ADAMTSL1: variants seen among roughly 807,000 people sequenced by gnomAD.
The protein encoded by ADAMTSL1 is ADAMTS like 1.
In ADAMTSL1, 126 loss-of-function variants were observed where a neutral mutation model predicts 201.8. The observed-to-expected ratio is 0.62, with a 90% confidence interval of 0.54 to 0.72. The LOEUF is 0.72. Among genes scored for constraint, ADAMTSL1 ranks in the 30% least tolerant of loss-of-function variants. ADAMTSL1 has a pLI of 0.00. For synonymous variants in ADAMTSL1, 1,121 were observed against 903.4 expected, an observed-to-expected ratio of 1.24 and a Z score of -4.32; for missense variants, 2,679 against 2,277.8, an observed-to-expected ratio of 1.18 and a Z score of -3.59.
chr9:18,822,909 G>C (rs1295778325), intron 21 of ADAMTSL1, among the ~76,000 whole-genome samples: 2 of 152,140 alleles, frequency 1.3e-5, no homozygotes, highest in Non-Finnish European at 2.9e-5. Flanking sequence ...GGACTCTGTG[G>C]AACATTCAAG....
At chr9:18,012,011 A>G (rs1430189700) in intron 1 of ADAMTSL1, among the ~76,000 whole-genome samples, 3 of 152,064 alleles carry the variant, frequency 2.0e-5, no homozygotes, top group South Asian at 2.1e-4. Context: ...TAAAATGCTC[A>G]TGGGGATATT....
chr9:17,925,740 G>T (rs1305008983), intron 1 of ADAMTSL1, among the ~76,000 whole-genome samples: 1 of 146,066 alleles, frequency 6.8e-6, no homozygotes, highest in African/African-American at 2.5e-5. Context: ...AGCATTGGGA[G>T]ATATACCTAA....
At chr9:18,686,064 G>A (rs1830815099) in intron 13 of ADAMTSL1, among the ~76,000 whole-genome samples, 1 of 151,916 alleles carries the variant, frequency 6.6e-6, no homozygotes, top group Non-Finnish European at 1.5e-5. Flanking sequence ...GACTACAGGT[G>A]CAGGCCACCA....
intron 13 of ADAMTSL1, among the ~76,000 whole-genome samples, chr9:18,701,457 C>A (rs527924176): frequency 2.0e-5 from 3 of 152,082 alleles, no homozygotes; most frequent in African/African-American, 7.2e-5. Context: ...TGACTTCAGG[C>A]GATCCGCCCA....
chr9:18,883,843 C>G (rs1428051029), intron 23 of ADAMTSL1, among the ~76,000 whole-genome samples: 1 of 152,110 alleles, frequency 6.6e-6, no homozygotes. Context: ...TGGTTTAAAT[C>G]TTTTGGGTAT....
rs191921150 is a variant in ADAMTSL1 at position 18,288,506 on chromosome 9, T to C, written c.207+124525T>C. 2.6e-5 allele frequency among the ~76,000 whole-genome samples: 4 copies of C among 152,314 alleles called. No individual in the cohort carries two copies. The East Asian group carries it at 7.7e-4, about 29-fold the overall frequency. The stretch of plus-strand genomic sequence containing the variant: ...GTTTCTTAATATTGTATACATTACT[T>C]AGGTCATGTGATTAGCTGCTTTAGA... On this transcript the variant is annotated intron_variant, in intron 2 of 29. Transcript: ENST00000680146.
chr9:18,619,862 T>C (rs1252613932), intron 4 of ADAMTSL1, among the ~76,000 whole-genome samples: 1 of 152,148 alleles, frequency 6.6e-6, no homozygotes, highest in East Asian at 1.9e-4. Flanking sequence ...TCCTTCCACA[T>C]GGTCAAGGAT....
chr9:18,682,796 T>A (rs903918005), intron 12 of ADAMTSL1, among the ~76,000 whole-genome samples: 1 of 152,126 alleles, frequency 6.6e-6, no homozygotes, highest in Non-Finnish European at 1.5e-5. Context: ...TGGCCCTAAT[T>A]GCAACTGAAT....
intron 2 of ADAMTSL1, among the ~76,000 whole-genome samples, chr9:18,272,484 G>C (rs1003902393): frequency 5.9e-5 from 9 of 152,148 alleles, no homozygotes; most frequent in Non-Finnish European, 1.0e-4. Flanking sequence ...TTAAATGTTA[G>C]ACCTAAAACC....
intron 23 of ADAMTSL1, among the ~76,000 whole-genome samples, chr9:18,869,594 C>T (rs1827761059): frequency 6.6e-6 from 1 of 152,178 alleles, no homozygotes; most frequent in Admixed American, 6.6e-5. Context: ...GATGAAAATT[C>T]CGGGTTCACC....
intron 1 of ADAMTSL1, among the ~76,000 whole-genome samples, chr9:18,121,153 T>C (rs1825479265): frequency 6.6e-6 from 1 of 152,212 alleles, no homozygotes; most frequent in Non-Finnish European, 1.5e-5. Flanking sequence ...AGAAATCGTT[T>C]TGAAAATCAT....
At chr9:18,070,965 G>T (rs1822937272) in intron 1 of ADAMTSL1, among the ~76,000 whole-genome samples, 1 of 152,202 alleles carries the variant, frequency 6.6e-6, no homozygotes, top group African/African-American at 2.4e-5. Context: ...TTTAGGATCA[G>T]GTTCATGCTT....
chr9:18,038,277 T>C (rs564745166), intron 1 of ADAMTSL1, among the ~76,000 whole-genome samples: 1 of 152,158 alleles, frequency 6.6e-6, no homozygotes, highest in Admixed American at 6.6e-5. Context: ...CAAGTGGCAT[T>C]TTTGGCTGTT....
At chr9:18,228,909 T>A (rs1449760354) in intron 2 of ADAMTSL1, among the ~76,000 whole-genome samples, 1 of 151,888 alleles carries the variant, frequency 6.6e-6, no homozygotes, top group African/African-American at 2.4e-5. Flanking sequence ...CACATTCTCT[T>A]TAGATGACAA....
At chr9:18,402,693 C>G (rs1818029823) in intron 2 of ADAMTSL1, among the ~76,000 whole-genome samples, 1 of 152,150 alleles carries the variant, frequency 6.6e-6, no homozygotes, top group Non-Finnish European at 1.5e-5. Context: ...GGCCTTTGGT[C>G]TTTTGGTTAT....
intron 1 of ADAMTSL1, among the ~76,000 whole-genome samples, chr9:18,099,132 T>A (rs1824379946): frequency 6.6e-6 from 1 of 150,736 alleles, no homozygotes; most frequent in African/African-American, 2.4e-5. Context: ...TGTTATTTGT[T>A]TGTTTTTGGT....
intron 2 of ADAMTSL1, among the ~76,000 whole-genome samples, chr9:18,421,752 A>G (rs1032064511): frequency 2.0e-5 from 3 of 152,178 alleles, no homozygotes; most frequent in African/African-American, 7.2e-5. Flanking sequence ...ACTTGTAAGA[A>G]CTTTGCAGTA....
chr9:18,807,694 T>C (rs1046421013), intron 20 of ADAMTSL1, among the ~76,000 whole-genome samples: 1 of 151,668 alleles, frequency 6.6e-6, no homozygotes, highest in African/African-American at 2.4e-5. Flanking sequence ...TACTGACTGC[T>C]GAGGCGCGGC....
chr9:18,474,340 T>G (rs1039613722), intron 1 of ADAMTSL1, 45 bp downstream of exon 1: 1 of 1,590,062 alleles, frequency 6.3e-7, no homozygotes, highest in Non-Finnish European at 8.6e-7. Context: ...CCATTGAGTC[T>G]GGGTGCTGTT....
Sources: allele counts gnomAD v4.1 joint callset (sites outside exome capture counted in the v4.1 genomes callset), GRCh38; gene constraint gnomAD v4.1.1; transcripts MANE v1.5; gene names NCBI Gene and HGNC (gene_info 2026-07-23, HGNC 2026-07-21).